The following PLS3 variants were observed in gnomAD, a reference collection of about 807,000 sequenced individuals.
PLS3 encodes plastin-3.
Under a neutral mutation model 46.5 loss-of-function variants are expected in PLS3, and 11 were observed. The ratio of observed to expected loss-of-function variants is 0.24; its 90% CI spans 0.15 to 0.39. PLS3 has a LOEUF of 0.39. Ranked by LOEUF, PLS3 falls within the 10% of genes least tolerant of loss-of-function variation. PLS3 has a pLI of 1.00. For synonymous variants in PLS3, 167 were observed against 162.2 expected, an observed-to-expected ratio of 1.03 and a Z score of -0.22; for missense variants, 308 against 461.8, an observed-to-expected ratio of 0.67 and a Z score of 3.05.
At chrX:115,606,150 T>TTTTTC (rs1556635262) in intron 1 of PLS3, among the ~76,000 whole-genome samples, 2 of 88,942 alleles carry the variant, frequency 2.2e-5, no homozygotes, top group Non-Finnish European at 4.2e-5. Context: ...TTTTCTTTCT[T>TTTTTC]TTTTCTTTTC....
At chrX:115,599,863 C>T (rs1397678435) in intron 1 of PLS3, among the ~76,000 whole-genome samples, 3 of 110,131 alleles carry the variant, frequency 2.7e-5, no homozygotes, top group East Asian at 5.8e-4. Context: ...GATCTCTGAC[C>T]TTGTGATCTG....
chrX:115,635,897 G>A (rs1228595294), intron 7 of PLS3, among the ~76,000 whole-genome samples: 2 of 108,590 alleles, frequency 1.8e-5, no homozygotes, highest in Non-Finnish European at 3.8e-5. Flanking sequence ...GGCTGAGGCA[G>A]GAGAATCGCT....
At chrX:115,613,218 T>G (rs2074563462) in intron 2 of PLS3, among the ~76,000 whole-genome samples, 1 of 111,421 alleles carries the variant, frequency 9.0e-6, no homozygotes, top group Non-Finnish European at 1.9e-5. Context: ...AATTCAGCAC[T>G]TTTGAAATAA....
chrX:115,629,626 C>T (rs1467691848), intron 4 of PLS3, among the ~76,000 whole-genome samples: 1 of 111,525 alleles, frequency 9.0e-6, no homozygotes, highest in East Asian at 2.8e-4. Flanking sequence ...TTTCTGAGGA[C>T]TGGTTAACGT....
intron 4 of PLS3, among the ~76,000 whole-genome samples, chrX:115,629,579 A>C (rs1556638958): frequency 8.9e-6 from 1 of 111,998 alleles, no homozygotes; most frequent in African/African-American, 3.2e-5. Context: ...TGCATTATAC[A>C]GTAATATAAA....
At chrX:115,566,674 G>A (rs1312018211) in intron 1 of PLS3, among the ~76,000 whole-genome samples, 1 of 105,622 alleles carries the variant, frequency 9.5e-6, no homozygotes, top group Non-Finnish European at 1.9e-5. Context: ...ACCGCGCCCG[G>A]CCCGTTTTGT....
chrX:115,631,881 G>A (rs2074780226), intron 5 of PLS3, among the ~76,000 whole-genome samples: 1 of 111,218 alleles, frequency 9.0e-6, no homozygotes, highest in East Asian at 2.8e-4. Flanking sequence ...TCTGCTCACT[G>A]CATCCTCCAC....
chrX:115,579,813 G>A (rs918079511), intron 1 of PLS3, among the ~76,000 whole-genome samples: 10 of 111,258 alleles, frequency 9.0e-5, no homozygotes, highest in African/African-American at 3.3e-4. Flanking sequence ...GCTCGCTGCA[G>A]CGTCAACATC....
Position 115,647,687 on chromosome X carries a change from T to C in PLS3, c.1635+14T>C. 8.4e-7 allele frequency: 1 copy of C among 1,196,581 alleles called. No homozygotes were observed. ...CAGAGTTTTAAGGTCAGAATCCATA[T>C]TTGACTATTAAATATTATGTTTGCT... On this transcript the variant is annotated intron_variant, in intron 14 of 15. Coordinates refer to ENST00000355899, the MANE Select transcript of PLS3 (RefSeq NM_005032.7).
At position 115,597,798 on chromosome X, in the gene PLS3, A is replaced by G. The variant is rs138494541; in HGVS notation, c.-8-12445A>G. On this transcript the variant is annotated intron_variant, in intron 1 of 15. Coordinates refer to ENST00000355899, the MANE Select transcript of PLS3 (RefSeq NM_005032.7). ...GTTCCTGATACTATACAATCTAATC[A>G]GTGTATATAATAATGCCTCATGAGA... 3.0e-4 allele frequency among the ~76,000 whole-genome samples: 34 copies of G among 111,638 alleles called. 1 individual carries two copies. The East Asian group carries it at 8.7e-3, about 29-fold the overall frequency.
intron 1 of PLS3, among the ~76,000 whole-genome samples, chrX:115,598,565 T>C (rs2074411456): frequency 8.9e-6 from 1 of 112,121 alleles, no homozygotes; most frequent in Non-Finnish European, 1.9e-5. Context: ...GAAAGTTTTC[T>C]AAAATGAGTC....
intron 9 of PLS3, among the ~76,000 whole-genome samples, chrX:115,640,718 T>C (rs1010364749): frequency 8.9e-6 from 1 of 112,032 alleles, no homozygotes; most frequent in African/African-American, 3.2e-5. Flanking sequence ...TATTGATTTA[T>C]ATGGATGGCA....
At position 115,567,974 on chromosome X, in the gene PLS3, C is replaced by G. The variant is rs1199549656; in HGVS notation, c.-9+6714C>G. On this transcript the variant is annotated intron_variant, in intron 1 of 15. Transcript: ENST00000355899. Reference sequence around the variant, plus strand: ...ATTATTGTGTTCCACATTATAAGCTCTAATTACATCGTGTTGCACTCAGAT... The same window carrying G: ...ATTATTGTGTTCCACATTATAAGCTGTAATTACATCGTGTTGCACTCAGAT... Among the ~76,000 whole-genome samples, 7 of 111,769 alleles carry G rather than the reference C, an allele frequency of 6.3e-5. No individual in the cohort carries two copies. The East Asian group carries it at 1.7e-3, about 27-fold the overall frequency.
intron 5 of PLS3, among the ~76,000 whole-genome samples, chrX:115,633,751 C>G (rs1440478089): frequency 1.8e-5 from 2 of 111,575 alleles, no homozygotes; most frequent in Non-Finnish European, 3.8e-5. Context: ...CCTCAGCCTC[C>G]CAAAGTGCTG....
At chrX:115,633,474 TTTTA>T (rs781866495) in intron 5 of PLS3, among the ~76,000 whole-genome samples, 8 of 109,300 alleles carry the variant, frequency 7.3e-5, no homozygotes, top group Admixed American at 9.9e-5. Flanking sequence ...CTGGCCAGGG[TTTTA>T]TTTATTTATT....
At chrX:115,599,754 C>T (rs1037716180) in intron 1 of PLS3, among the ~76,000 whole-genome samples, 11 of 107,399 alleles carry the variant, frequency 1.0e-4, no homozygotes, top group African/African-American at 3.4e-4. Context: ...TGCCTCAGCC[C>T]CTTGAGTAGC....
chrX:115,601,660 A>T (rs2074445667), intron 1 of PLS3, among the ~76,000 whole-genome samples: 1 of 110,525 alleles, frequency 9.0e-6, no homozygotes, highest in Non-Finnish European at 1.9e-5. Flanking sequence ...AGATAAAAAA[A>T]AAACTTGTGG....
chrX:115,585,311 T>C (rs1432821375), intron 1 of PLS3, among the ~76,000 whole-genome samples: 2 of 112,338 alleles, frequency 1.8e-5, no homozygotes, highest in Admixed American at 9.5e-5. Context: ...TGAACAAATA[T>C]GAGCCATGAA....
intron 8 of PLS3, among the ~76,000 whole-genome samples, chrX:115,639,010 G>A (rs782014144): frequency 9.7e-4 from 108 of 111,387 alleles, no homozygotes; most frequent in African/African-American, 3.3e-3. Context: ...CACCGCCCCC[G>A]GCCATCAATA....
Sources: allele counts gnomAD v4.1 joint callset (sites outside exome capture counted in the v4.1 genomes callset), GRCh38; gene constraint gnomAD v4.1.1; transcripts MANE v1.5; gene names NCBI Gene and HGNC (gene_info 2026-07-23, HGNC 2026-07-21).